Variants in KCNB2 observed in about 807,000 individuals in gnomAD.
KCNB2 encodes delayed rectifier potassium channel protein.
KCNB2 carries 15 observed loss-of-function variants against 61.5 expected under a neutral mutation model. That is an observed-to-expected ratio of 0.24 (90% CI 0.16 to 0.38). The LOEUF is 0.38. Among genes scored for constraint, KCNB2 ranks in the 10% least tolerant of loss-of-function variants. The pLI, the probability that KCNB2 is intolerant of heterozygous loss-of-function variation, is 1.00. For synonymous variants in KCNB2, 457 were observed against 446.0 expected (o/e 1.02, Z -0.31); for missense variants, 828 against 1,125.2 (o/e 0.74, Z 3.78).
intron 2 of KCNB2, among the ~76,000 whole-genome samples, chr8:72,708,263 G>A (rs1321651853): frequency 2.0e-5 from 3 of 152,214 alleles, no homozygotes. Flanking sequence ...ATGGTAAGAA[G>A]AAATGTGGCT....
chr8:72,845,953 C>T (rs1436858714), intron 2 of KCNB2, among the ~76,000 whole-genome samples: 2 of 150,146 alleles, frequency 1.3e-5, no homozygotes, highest in Admixed American at 1.3e-4. Flanking sequence ...GTGAACAGTT[C>T]TGTCTTTCTG....
At chr8:72,829,323 A>C (rs1057294320) in intron 2 of KCNB2, among the ~76,000 whole-genome samples, 1 of 152,172 alleles carries the variant, frequency 6.6e-6, no homozygotes, top group African/African-American at 2.4e-5. Context: ...AGCAGCCTAG[A>C]TTAATGAAAC....
intron 2 of KCNB2, among the ~76,000 whole-genome samples, chr8:72,591,176 T>C (rs555212937): frequency 2.6e-5 from 4 of 152,270 alleles, no homozygotes; most frequent in South Asian, 2.1e-4. Flanking sequence ...ACTTTCCCAA[T>C]GCTAAGACAC....
intron 2 of KCNB2, among the ~76,000 whole-genome samples, chr8:72,801,039 G>T (rs1809117549): frequency 6.6e-6 from 1 of 152,150 alleles, no homozygotes; most frequent in Non-Finnish European, 1.5e-5. Context: ...CAAAATGTGA[G>T]CAAGAAAAAT....
chr8:72,708,997 C>T (rs1320209848), intron 2 of KCNB2, among the ~76,000 whole-genome samples: 1 of 152,124 alleles, frequency 6.6e-6, no homozygotes, highest in Non-Finnish European at 1.5e-5. Flanking sequence ...GGCTATATAT[C>T]CTGCCAGATT....
At chr8:72,598,583 G>A (rs1467874354) in intron 2 of KCNB2, among the ~76,000 whole-genome samples, 1 of 152,166 alleles carries the variant, frequency 6.6e-6, no homozygotes, top group Non-Finnish European at 1.5e-5. Context: ...TCAACATAGT[G>A]TTGGAAGTTC....
intron 2 of KCNB2, among the ~76,000 whole-genome samples, chr8:72,912,722 A>G (rs945598872): frequency 1.1e-4 from 17 of 152,002 alleles, no homozygotes; most frequent in Non-Finnish European, 2.5e-4. Context: ...CTCAAAGAAG[A>G]TCAATCAGGT....
chr8:72,548,822 TTGTTCA>T (rs1806301188), intron 1 of KCNB2, among the ~76,000 whole-genome samples: 2 of 152,228 alleles, frequency 1.3e-5, no homozygotes, highest in Non-Finnish European at 2.9e-5. Context: ...TTTCATTCCT[TTGTTCA>T]TGTCTTATAC....
chr8:72,653,110 C>T (rs1806238418), intron 2 of KCNB2, among the ~76,000 whole-genome samples: 1 of 152,124 alleles, frequency 6.6e-6, no homozygotes, highest in Non-Finnish European at 1.5e-5. Flanking sequence ...TAAGAAGAGA[C>T]TTGTCATTAG....
At chr8:72,680,587 G>A (rs1806734486) in intron 2 of KCNB2, among the ~76,000 whole-genome samples, 1 of 152,166 alleles carries the variant, frequency 6.6e-6, no homozygotes, top group Non-Finnish European at 1.5e-5. Flanking sequence ...CAGGTGGGAG[G>A]CAGTGAGGTA....
intron 2 of KCNB2, among the ~76,000 whole-genome samples, chr8:72,673,123 A>G (rs1399906824): frequency 6.6e-6 from 1 of 152,232 alleles, no homozygotes; most frequent in Admixed American, 6.5e-5. Flanking sequence ...TATTCACAAT[A>G]GGTGAATCCA....
intron 2 of KCNB2, among the ~76,000 whole-genome samples, chr8:72,780,959 T>C (rs758023786): frequency 2.0e-5 from 3 of 152,250 alleles, no homozygotes; most frequent in Non-Finnish European, 4.4e-5. Context: ...TTGATTTGCA[T>C]TTCTCTAATG....
At chr8:72,659,554 C>T (rs1806346602) in intron 2 of KCNB2, among the ~76,000 whole-genome samples, 1 of 152,224 alleles carries the variant, frequency 6.6e-6, no homozygotes, top group African/African-American at 2.4e-5. Context: ...AACAGCATTG[C>T]ATGCTACAGA....
At chr8:72,767,869 C>G (rs752942471) in intron 2 of KCNB2, among the ~76,000 whole-genome samples, 4 of 152,204 alleles carry the variant, frequency 2.6e-5, no homozygotes, top group African/African-American at 9.6e-5. Context: ...CACACCCTTG[C>G]CAACTCTTGT....
intron 2 of KCNB2, among the ~76,000 whole-genome samples, chr8:72,883,745 T>C (rs184263152): frequency 5.1e-4 from 78 of 152,374 alleles, no homozygotes; most frequent in African/African-American, 1.7e-3. Context: ...ACTTTTTAGA[T>C]TTAACCATTT....
intron 2 of KCNB2, among the ~76,000 whole-genome samples, chr8:72,850,331 C>T (rs1810078598): frequency 6.6e-6 from 1 of 151,844 alleles, no homozygotes; most frequent in Admixed American, 6.6e-5. Flanking sequence ...GCCATCTTCC[C>T]ATATCAGCAT....
chr8:72,914,048 T>C (rs1459548391), intron 2 of KCNB2, among the ~76,000 whole-genome samples: 1 of 152,188 alleles, frequency 6.6e-6, no homozygotes, highest in Non-Finnish European at 1.5e-5. Flanking sequence ...TTTCTCACAG[T>C]TCTTGAGGCT....
intron 2 of KCNB2, among the ~76,000 whole-genome samples, chr8:72,706,409 A>G (rs942281242): frequency 2.0e-5 from 3 of 152,242 alleles, no homozygotes; most frequent in South Asian, 2.1e-4. Flanking sequence ...GTAAAAAAAT[A>G]TAAGTGTAGT....
In KCNB2 at chr8:72,567,848, G is replaced by A. The variant is rs761745441; in HGVS notation, c.114G>A (p.Lys38=). The change falls in exon 2 of 3, where the codon AAG becomes AAA. Residue 38 remains lysine, a synonymous_variant. Transcript: ENST00000523207. ...IRSKTCSRRV[K]INVGGLNHEV... Reference sequence around the variant, plus strand: ...GCAAAACATGCTCCAGGAGAGTTAAGATCAATGTGGGGGGCCTCAACCACG... The same window carrying A: ...GCAAAACATGCTCCAGGAGAGTTAAAATCAATGTGGGGGGCCTCAACCACG... The A allele has an allele frequency of 6.2e-7, 1 of 1,614,104 alleles. No individual in the cohort carries two copies. Among genetic ancestry groups the A allele is most frequent in the Admixed American group, 1.7e-5 (1 of 60,016 alleles).
Sources: gnomAD v4.1 joint callset for allele counts (sites outside exome capture counted in the v4.1 genomes callset) on GRCh38, gnomAD v4.1.1 for gene constraint, MANE v1.5 for transcripts, NCBI Gene and HGNC (gene_info 2026-07-23, HGNC 2026-07-21) for gene names.